The following RRAGC variants were observed in gnomAD, a reference collection of about 807,000 sequenced individuals.
RRAGC encodes the protein Ras related GTP binding C, also known as ras-related GTP-binding protein C.
In RRAGC, 8 loss-of-function variants were observed where a neutral mutation model predicts 37.1. The ratio of observed to expected loss-of-function variants is 0.22; its 90% CI spans 0.13 to 0.39. The LOEUF is 0.39. Ranked by LOEUF, RRAGC falls within the 10% of genes least tolerant of loss-of-function variation. The pLI is 1.00. For missense variants in RRAGC, 342 were observed against 497.6 expected (o/e 0.69, Z 2.98); for synonymous variants, 190 against 181.1 (o/e 1.05, Z -0.39).
chr1:38,843,515 T>C (rs1641989337), intron 6 of RRAGC, among the ~76,000 whole-genome samples: 3 of 151,836 alleles, frequency 2.0e-5, no homozygotes, highest in Admixed American at 1.3e-4. Context: ...GGTCAGGAGA[T>C]TGAGACCATC....
At chr1:38,841,737 T>A (rs1641965142) in intron 6 of RRAGC, among the ~76,000 whole-genome samples, 1 of 151,948 alleles carries the variant, frequency 6.6e-6, no homozygotes, top group Admixed American at 6.6e-5. Context: ...TAATCCCAGC[T>A]ATGTGAGAGG....
Position 38,852,803 on chromosome 1 carries a change from C to T in RRAGC, c.642-315G>A, listed in dbSNP as rs181229127. ...GCTTTTTTTAAGCACATAACTGAGA[C>T]CAAAAATAAGACTAAAACCGAGAAA... On this transcript the variant is annotated intron_variant, in intron 3 of 6. Coordinates refer to ENST00000373001, the MANE Select transcript of RRAGC (RefSeq NM_022157.4). The T allele has an allele frequency of 1.5e-4, 25 of 162,706 alleles. No individual in the cohort carries two copies. The East Asian group carries it at 4.1e-3, about 27-fold the overall frequency. 10.1% of individuals were successfully genotyped at this position (162,706 alleles called of 1,614,324 possible).
chr1:38,840,575 G>C (rs1641951361), intron 6 of RRAGC, among the ~76,000 whole-genome samples: 1 of 152,198 alleles, frequency 6.6e-6, no homozygotes, highest in Admixed American at 6.5e-5. Context: ...GCCAAGTGCA[G>C]GGCAAAGTAA....
At chr1:38,850,678 T>A (rs1367618305) in intron 5 of RRAGC, among the ~76,000 whole-genome samples, 1 of 151,538 alleles carries the variant, frequency 6.6e-6, no homozygotes, top group African/African-American at 2.4e-5. Context: ...GAGTCAGAGG[T>A]GAAAGAGATA....
intron 3 of RRAGC, among the ~76,000 whole-genome samples, chr1:38,855,162 T>C (rs1258555006): frequency 6.6e-6 from 1 of 152,166 alleles, no homozygotes; most frequent in African/African-American, 2.4e-5. Flanking sequence ...CATAAAAGTA[T>C]AAAGTGTTTT....
chr1:38,842,440 T>A (rs1248479720), intron 6 of RRAGC, among the ~76,000 whole-genome samples: 1 of 152,092 alleles, frequency 6.6e-6, no homozygotes, highest in Non-Finnish European at 1.5e-5. Flanking sequence ...ACCAGTAATT[T>A]AAAAAGTAAA....
In RRAGC at chr1:38,859,735, G is replaced by A. The variant is rs865938348; in HGVS notation, c.-89C>T. 17 of 1,061,254 alleles carry A rather than the reference G, an allele frequency of 1.6e-5. No individual in the cohort carries two copies. Among genetic ancestry groups the A allele is most frequent in the Admixed American group, 4.5e-5 (1 of 22,306 alleles). 65.7% of individuals were successfully genotyped at this position (1,061,254 alleles called of 1,614,324 possible). On this transcript the variant is annotated 5_prime_UTR_variant, in exon 1 of 7. Coordinates refer to ENST00000373001, the MANE Select transcript of RRAGC (RefSeq NM_022157.4). ...TCCCCAGTCCGCCTCCGCCGCCGCC[G>A]CCACCACCGCCACCGCCCCCGGCAG...
intron 3 of RRAGC, among the ~76,000 whole-genome samples, chr1:38,854,042 G>T (rs1407750655): frequency 2.6e-5 from 4 of 151,336 alleles, no homozygotes; most frequent in African/African-American, 9.7e-5. Context: ...TCATCCATAG[G>T]ACTGCTAGTA....
chr1:38,841,742 G>A (rs1322799235), intron 6 of RRAGC, among the ~76,000 whole-genome samples: 3 of 151,820 alleles, frequency 2.0e-5, no homozygotes, highest in Non-Finnish European at 4.4e-5. Flanking sequence ...CCAGCTATGT[G>A]AGAGGCTGAG....
intron 6 of RRAGC, among the ~76,000 whole-genome samples, chr1:38,841,118 A>G (rs1250340516): frequency 6.6e-6 from 1 of 152,170 alleles, no homozygotes; most frequent in Non-Finnish European, 1.5e-5. Context: ...AATTGGCTAT[A>G]ATTTTGATAA....
chr1:38,858,496 G>A (rs1168211205), intron 1 of RRAGC, among the ~76,000 whole-genome samples: 1 of 152,140 alleles, frequency 6.6e-6, no homozygotes, highest in Admixed American at 6.5e-5. Flanking sequence ...TCAGCAGTTC[G>A]AGATGACCCT....
intron 5 of RRAGC, among the ~76,000 whole-genome samples, chr1:38,850,094 T>C (rs759384988): frequency 4.6e-5 from 7 of 151,972 alleles, no homozygotes; most frequent in Non-Finnish European, 8.8e-5. Flanking sequence ...TAATCCCAGC[T>C]ACTCGGGAGG....
intron 3 of RRAGC, among the ~76,000 whole-genome samples, chr1:38,853,997 A>G (rs1486048185): frequency 1.3e-5 from 2 of 152,036 alleles, no homozygotes; most frequent in African/African-American, 4.8e-5. Context: ...ATTTTAGTAA[A>G]CTGAGTTTCT....
chr1:38,850,754 G>C (rs1208307308), intron 5 of RRAGC, among the ~76,000 whole-genome samples: 1 of 152,142 alleles, frequency 6.6e-6, no homozygotes, highest in Non-Finnish European at 1.5e-5. Context: ...TAAAACATCT[G>C]AAAAGCAACT....
chr1:38,852,265 A>G (rs1473214559), intron 4 of RRAGC, 109 bp downstream of exon 4: 1 of 721,928 alleles, frequency 1.4e-6, no homozygotes, highest in East Asian at 2.5e-5. Flanking sequence ...TAGTCTTTGT[A>G]CTTGATACAG....
Position 38,857,086 on chromosome 1 carries a change from T to G in RRAGC, c.238-4A>C. ...GTGACATCTTATGAAACACCACCTG[T>G]TAAAAGAAAACAGGCAATTTTATGA... On this transcript the variant is annotated splice_polypyrimidine_tract_variant and splice_region_variant and intron_variant, in intron 1 of 6. Coordinates refer to ENST00000373001, the MANE Select transcript of RRAGC (RefSeq NM_022157.4). The G allele has an allele frequency of 6.2e-7, 1 of 1,603,578 alleles. No homozygotes were observed. The highest frequency in any genetic ancestry group is 1.3e-5 in the African/African-American group (1 of 74,672).
intron 3 of RRAGC, among the ~76,000 whole-genome samples, chr1:38,853,827 G>C (rs886127549): frequency 6.6e-6 from 1 of 151,842 alleles, no homozygotes; most frequent in Non-Finnish European, 1.5e-5. Flanking sequence ...CTAGATGTAA[G>C]AGCACTGGAA....
In RRAGC at chr1:38,840,679, A is replaced by G. The variant is rs1451279863; in HGVS notation, c.1049-975T>C. Among the ~76,000 whole-genome samples the G allele has an allele frequency of 2.6e-5, 4 of 152,306 alleles. No individual in the cohort carries two copies. The East Asian group carries it at 7.7e-4, about 29-fold the overall frequency. On this transcript the variant is annotated intron_variant, in intron 6 of 6. Transcript: ENST00000373001. The stretch of plus-strand genomic sequence containing the variant: ...GGGAACAAAATCACAAGAAAACTGC[A>G]GGGACCTGGCCATGAGAATACAGCA...
chr1:38,854,065 CTTTTT>C (rs58058501), intron 3 of RRAGC, among the ~76,000 whole-genome samples: 3 of 74,808 alleles, frequency 4.0e-5, no homozygotes, highest in African/African-American at 1.0e-4. Flanking sequence ...AAATAAAAGT[CTTTTT>C]TTTTTTTTTT....
Sources: allele counts gnomAD v4.1 joint callset (sites outside exome capture counted in the v4.1 genomes callset), GRCh38; gene constraint gnomAD v4.1.1; transcripts MANE v1.5; gene names NCBI Gene and HGNC (gene_info 2026-07-23, HGNC 2026-07-21).